POLD1: variants seen among roughly 807,000 people sequenced by gnomAD.
POLD1 encodes the protein DNA polymerase delta catalytic subunit.
Under a neutral mutation model 129.7 loss-of-function variants are expected in POLD1, and 79 were observed. That is an observed-to-expected ratio of 0.61 (90% CI 0.51 to 0.73). The LOEUF (loss-of-function observed/expected upper bound fraction) is 0.73, where lower values mean the gene tolerates loss of function less well. POLD1 is among the 30% of genes least tolerant of loss of function. The pLI is 0.00. For synonymous variants in POLD1, 714 were observed against 683.3 expected (o/e 1.04, Z -0.70); for missense variants, 1,338 against 1,595.8 (o/e 0.84, Z 2.75).
chr19:50,413,948 TG>T lies in POLD1; in HGVS notation c.2388+72del, dbSNP rs2039185588. The T allele has an allele frequency of 2.7e-6, 4 of 1,468,630 alleles. No individual in the cohort carries two copies. In the African/African-American group the frequency reaches 5.6e-5, roughly 21 times the overall value. 91.0% of individuals were successfully genotyped at this position (1,468,630 alleles called of 1,614,324 possible). A position where few individuals can be genotyped will look rare whatever the true frequency, so the allele number is the denominator to read the frequency against. ...AGGGTACTCAGGGTGTCCCGTTCTT[TG>T]GGTTCACAAAAGCCACAGTGTGAAG... On this transcript the variant is annotated intron_variant, in intron 19 of 26. Coordinates refer to ENST00000440232, the MANE Select transcript of POLD1 (RefSeq NM_002691.4).
chr19:50,409,148 C>A lies in POLD1; in HGVS notation c.1919C>A (p.Thr640Asn), dbSNP rs771527077. The A allele has an allele frequency of 1.4e-5, 23 of 1,612,866 alleles. No homozygotes were observed. The highest frequency in any genetic ancestry group is 1.9e-5 in the Non-Finnish European group (22 of 1,178,996). The change falls in exon 16 of 27, where the codon ACC (threonine) becomes AAC (asparagine). Residue 640 changes from threonine to asparagine, a missense_variant. Coordinates refer to ENST00000440232, the MANE Select transcript of POLD1 (RefSeq NM_002691.4). The surrounding 1 kb of genome is among the most constrained non-coding windows in gnomAD (Gnocchi z 5.8). ...CTGACTGAGGATCAGTTCATCAGGACCCCCACCGGGGACGAGTTTGTGAAG... is the reference window on the plus strand; with the variant it reads ...CTGACTGAGGATCAGTTCATCAGGAACCCCACCGGGGACGAGTTTGTGAAG... ...LGLTEDQFIR[T>N]PTGDEFVKTS... is the part of the protein sequence containing the mutation.
At chr19:50,389,373 C>T (rs1014892444) in intron 1 of POLD1, among the ~76,000 whole-genome samples, 2 of 151,984 alleles carry the variant, frequency 1.3e-5, no homozygotes, top group East Asian at 3.9e-4. Flanking sequence ...CCCCCTGCCT[C>T]GGCCTCCAAA....
rs533807051 is a variant in POLD1 at position 50,392,419 on chromosome 19, G to A, written c.-1-6432G>A. 5.9e-5 allele frequency among the ~76,000 whole-genome samples: 9 copies of A among 151,986 alleles called. No homozygotes were observed. The East Asian group carries it at 7.8e-4, about 13-fold the overall frequency. On this transcript the variant is annotated intron_variant, in intron 1 of 26. Transcript: ENST00000440232. The stretch of plus-strand genomic sequence containing the variant: ...AGGCAACTTACTTTTTCATGACATC[G>A]ACAGTTTTAAAGATTACAGACCAGT...
chr19:50,406,932 ACCTC>A lies in POLD1; in HGVS notation c.1495-48_1495-45del. ...GACCCCCACTTCCTTCTCCTGCTCC[ACCTC>A]CCACCCCCAACCCCTGGTCCCTGAC... On this transcript the variant is annotated intron_variant, in intron 12 of 26. Coordinates refer to ENST00000440232, the MANE Select transcript of POLD1 (RefSeq NM_002691.4). This position sits in a 1 kb window ranked among gnomAD's most constrained non-coding sequence, Gnocchi z 5.5. The A allele has an allele frequency of 3.7e-6, 4 of 1,091,710 alleles. No homozygotes were observed. The highest frequency in any genetic ancestry group is 1.9e-5 in the African/African-American group (1 of 51,896). 67.6% of individuals were successfully genotyped at this position (1,091,710 alleles called of 1,614,324 possible).
intron 14 of POLD1, among the ~76,000 whole-genome samples, chr19:50,408,150 C>T (rs1175445719): frequency 6.6e-6 from 1 of 151,656 alleles, no homozygotes; most frequent in Non-Finnish European, 1.5e-5. Context: ...TCCTGGCTAA[C>T]ACGGTGAAAC....
chr19:50,416,476 G>A lies in POLD1; in HGVS notation c.2901G>A (p.Leu967=), dbSNP rs2122491493. The change falls in exon 23 of 27, where the codon CTG becomes CTA. Residue 967 remains leucine, a synonymous_variant. Transcript: ENST00000440232. ...YLEQQLAKPL[L]RIFEPILGEG... is the part of the protein sequence containing the mutation. ...AGCAGCAGCTGGCCAAGCCCCTCCT[G>A]CGCATCTTCGAGCCCATCCTGGGCG... 1 of 1,551,450 alleles carries A rather than the reference G, an allele frequency of 6.4e-7. No individual in the cohort carries two copies. Among genetic ancestry groups the A allele is most frequent in the African/African-American group, 1.4e-5 (1 of 73,248 alleles).
intron 1 of POLD1, among the ~76,000 whole-genome samples, chr19:50,391,688 G>GGGGGGAGAGGGA (rs1568607730): frequency 8.1e-4 from 120 of 148,396 alleles, no homozygotes; most frequent in African/African-American, 2.9e-3. Context: ...GAGACTGAGA[G>GGGGGGAGAGGGA]GGGGGAGGGG....
rs142361709 is a variant in POLD1, at chr19:50,409,156, G to A, written c.1927G>A (p.Gly643Arg). ...GGATCAGTTCATCAGGACCCCCACCGGGGACGAGTTTGTGAAGACCTCAGT... is the reference window on the plus strand; with the variant it reads ...GGATCAGTTCATCAGGACCCCCACCAGGGACGAGTTTGTGAAGACCTCAGT... ...TEDQFIRTPTGDEFVKTSVRK... is the reference protein window; with the variant it reads ...TEDQFIRTPTRDEFVKTSVRK... The change falls in exon 16 of 27, where the codon GGG (glycine) becomes AGG (arginine). Residue 643 changes from glycine to arginine, a missense_variant. Transcript: ENST00000440232. This position sits in a 1 kb window ranked among gnomAD's most constrained non-coding sequence, Gnocchi z 5.8. The A allele has an allele frequency of 3.1e-6, 5 of 1,613,384 alleles. No individual in the cohort carries two copies. The highest frequency in any genetic ancestry group is 2.7e-5 in the African/African-American group (2 of 74,922).
intron 2 of POLD1, 53 bp from the exon 3 acceptor site, chr19:50,399,318 G>T (rs2038493260): frequency 6.9e-7 from 1 of 1,442,648 alleles, no homozygotes; most frequent in African/African-American, 1.4e-5. Context: ...TGCCATCCTG[G>T]CCGGGGAAGA....
intron 1 of POLD1, among the ~76,000 whole-genome samples, chr19:50,389,915 T>TG (rs2038097584): frequency 6.6e-6 from 1 of 151,080 alleles, no homozygotes; most frequent in African/African-American, 2.4e-5. Flanking sequence ...TGTTTTGTTT[T>TG]TTTTTTCTTT....
In POLD1 at chr19:50,401,920, C is replaced by A; in HGVS notation, c.459C>A (p.Pro153=). The part of the protein sequence containing the change: ...GFAPYFYTPA[P]PGFGPEHMGD... Reference sequence around the variant, plus strand: ...CTCCCTACTTCTACACCCCAGCGCCCCCTGGTGAGTGGCCCCTACCCAGCC... The same window carrying A: ...CTCCCTACTTCTACACCCCAGCGCCACCTGGTGAGTGGCCCCTACCCAGCC... The change falls in exon 4 of 27, where the codon CCC becomes CCA. Residue 153 remains proline, a synonymous_variant. Coordinates refer to ENST00000440232, the MANE Select transcript of POLD1 (RefSeq NM_002691.4). 3 of 1,614,100 alleles carry A rather than the reference C, an allele frequency of 1.9e-6. No individual in the cohort carries two copies. The highest frequency in any genetic ancestry group is 2.5e-6 in the Non-Finnish European group (3 of 1,179,984).
In POLD1 at chr19:50,399,459, A is replaced by G. The variant is rs376289238; in HGVS notation, c.291A>G (p.Gln97=). 3 of 1,613,264 alleles carry G rather than the reference A, an allele frequency of 1.9e-6. No homozygotes were observed. Among genetic ancestry groups the G allele is most frequent in the East Asian group, 2.2e-5 (1 of 44,870 alleles). ...LDPQTEPLIF[Q]QLEIDHYVGP... ...CCCAGACAGAGCCCCTCATCTTCCA[A>G]CAGTTGGAGATTGACCATTATGTGG... The change falls in exon 3 of 27, where the codon CAA becomes CAG. Residue 97 remains glutamine (Q), a synonymous_variant. Transcript: ENST00000440232.
chr19:50,403,668 C>T (rs1357542032), intron 10 of POLD1, 71 bp downstream of exon 10: 11 of 934,198 alleles, frequency 1.2e-5, no homozygotes, highest in Non-Finnish European at 1.9e-5. Flanking sequence ...GGGCCTCCTT[C>T]CCACTCCCTC....
rs2038999874 is a variant in POLD1, at chr19:50,409,034, G to C, written c.1893-88G>C. 1 of 1,325,626 alleles carries C rather than the reference G, an allele frequency of 7.5e-7. No homozygotes were observed. The highest frequency in any genetic ancestry group is 2.3e-5 in the East Asian group (1 of 43,250). The allele number at this position is 1,325,626 out of a possible 1,614,324, so 82.1% of individuals were successfully genotyped here. ...GGAGGGGTGCTTGAGGGGCCTGCGT[G>C]TGCTCATGGCCAAGGCCAGGACCGT... On this transcript the variant is annotated intron_variant, in intron 15 of 26. Coordinates refer to ENST00000440232, the MANE Select transcript of POLD1 (RefSeq NM_002691.4). This position sits in a 1 kb window ranked among gnomAD's most constrained non-coding sequence, Gnocchi z 5.8.
rs1402944826 is a variant in POLD1 at position 50,408,778 on chromosome 19, C to G, written c.1776-7C>G. 1 of 1,613,710 alleles carries G rather than the reference C, an allele frequency of 6.2e-7. No individual in the cohort carries two copies. Among genetic ancestry groups the G allele is most frequent in the Non-Finnish European group, 8.5e-7 (1 of 1,179,950 alleles). ...CTGACTCCCGGCCGCGGCTGCTCCC[C>G]TCCCAGGTACTACGACGTCCCCATC... On this transcript the variant is annotated splice_polypyrimidine_tract_variant and splice_region_variant and intron_variant, in intron 14 of 26. Coordinates refer to ENST00000440232, the MANE Select transcript of POLD1 (RefSeq NM_002691.4).
rs1158626721 is a variant in POLD1 at position 50,417,835 on chromosome 19, C to G, written c.3219-7C>G. On this transcript the variant is annotated splice_polypyrimidine_tract_variant and splice_region_variant and intron_variant, in intron 26 of 26. Coordinates refer to ENST00000440232, the MANE Select transcript of POLD1 (RefSeq NM_002691.4). ...GGTCCTGACCCTGCCCCTGCCCCCA[C>G]CCGCAGCCGGGACTGCCCCATCTTC... 8.9e-6 allele frequency: 14 copies of G among 1,581,886 alleles called. No homozygotes were observed. Among genetic ancestry groups the G allele is most frequent in the Non-Finnish European group, 1.2e-5 (14 of 1,160,728 alleles).
At position 50,406,466 on chromosome 19, in the gene POLD1, C is replaced by T. The variant is rs1489180867; in HGVS notation, c.1443C>T (p.Phe481=). ...SYTLNAVSFH[F]LGEQKEDVQH... is the part of the protein sequence containing the mutation. ...CGCTCAATGCCGTGAGCTTCCACTTCCTGGGCGAGCAGAAGGAGGACGTGC... is the reference window on the plus strand; with the variant it reads ...CGCTCAATGCCGTGAGCTTCCACTTTCTGGGCGAGCAGAAGGAGGACGTGC... Residue 481 remains phenylalanine, a synonymous_variant, in exon 12 of 27, where the codon TTC becomes TTT. Coordinates refer to ENST00000440232, the MANE Select transcript of POLD1 (RefSeq NM_002691.4). The surrounding 1 kb of genome is among the most constrained non-coding windows in gnomAD (Gnocchi z 5.5). The T allele has an allele frequency of 6.3e-7, 1 of 1,598,782 alleles. No individual in the cohort carries two copies. The highest frequency in any genetic ancestry group is 8.5e-7 in the Non-Finnish European group (1 of 1,172,302).
chr19:50,403,773 G>T (rs1202541200), intron 10 of POLD1, among the ~76,000 whole-genome samples, 176 bp downstream of exon 10: 2 of 152,210 alleles, frequency 1.3e-5, no homozygotes, highest in South Asian at 2.1e-4. Context: ...AGTCGAAAAA[G>T]TTACTGTGGC....
At chr19:50,415,909 GGTGGGGCCTCCCGTGCCCT>G (rs1433077552) in intron 22 of POLD1, 83 bp downstream of exon 22, 7 of 1,082,504 alleles carry the variant, frequency 6.5e-6, no homozygotes, top group Non-Finnish European at 9.0e-6. Flanking sequence ...CTGCGGGAAG[GGTGGGGCCTCCCGTGCCCT>G]GTGGGGCCCT....
Sources: gnomAD v4.1 joint callset for allele counts (sites outside exome capture counted in the v4.1 genomes callset) on GRCh38, gnomAD v4.1.1 for gene constraint, Gnocchi (gnomAD v3.1) non-coding constraint, MANE v1.5 for transcripts, NCBI Gene and HGNC (gene_info 2026-07-23, HGNC 2026-07-21) for gene names.